Variants in METTL16 observed in about 807,000 individuals in gnomAD.
METTL16 encodes the protein RNA N(6)-adenosine-methyltransferase METTL16.
METTL16 carries 19 observed loss-of-function variants against 57.9 expected under a neutral mutation model. The observed-to-expected ratio is 0.33, with a 90% CI of 0.23 to 0.48. The LOEUF is 0.48. Among genes scored for constraint, METTL16 ranks in the 20% least tolerant of loss-of-function variants. The pLI is 0.99. For synonymous variants in METTL16, 246 were observed against 255.6 expected (o/e 0.96, Z 0.36); for missense variants, 434 against 691.5 (o/e 0.63, Z 4.18).
chr17:2,510,439 C>T (rs889149755), intron 1 of METTL16, among the ~76,000 whole-genome samples: 1 of 152,200 alleles, frequency 6.6e-6, no homozygotes, highest in Non-Finnish European at 1.5e-5. Context: ...GACTACATAG[C>T]TGACATCAGT....
Position 2,420,620 on chromosome 17 carries a change from T to C in METTL16, c.1063-24A>G. ...ACCTGTTTGGAGGAAAAACAGAATTTTGTGGGAAATCACGTTTCCCCTCTC... is the reference window on the plus strand; with the variant it reads ...ACCTGTTTGGAGGAAAAACAGAATTCTGTGGGAAATCACGTTTCCCCTCTC... On this transcript the variant is annotated intron_variant, in intron 9 of 9. Coordinates refer to ENST00000263092, the MANE Select transcript of METTL16 (RefSeq NM_024086.4). This position sits in a 1 kb window ranked among gnomAD's most constrained non-coding sequence, Gnocchi z 5.4. 6.3e-7 allele frequency: 1 copy of C among 1,575,638 alleles called. No homozygotes were observed. The highest frequency in any genetic ancestry group is 8.6e-7 in the Non-Finnish European group (1 of 1,166,448).
chr17:2,457,072 G>A (rs528795305), intron 6 of METTL16, among the ~76,000 whole-genome samples: 6 of 151,808 alleles, frequency 4.0e-5, no homozygotes, highest in Admixed American at 1.3e-4. Flanking sequence ...GGTGGCTCAC[G>A]CCTGTAATCC....
At chr17:2,472,906 C>G (rs1000739003) in intron 4 of METTL16, among the ~76,000 whole-genome samples, 1 of 151,974 alleles carries the variant, frequency 6.6e-6, no homozygotes, top group African/African-American at 2.4e-5. Context: ...TCTGTGTATA[C>G]CGTACTGGGA....
intron 6 of METTL16, among the ~76,000 whole-genome samples, chr17:2,441,811 T>C (rs1399283168): frequency 1.3e-5 from 2 of 152,212 alleles, no homozygotes; most frequent in African/African-American, 2.4e-5. Flanking sequence ...TTCAGGGCTA[T>C]GTATTAAATA....
At chr17:2,493,672 T>C (rs1041993684) in intron 2 of METTL16, among the ~76,000 whole-genome samples, 7 of 150,150 alleles carry the variant, frequency 4.7e-5, no homozygotes, top group Admixed American at 2.0e-4. Context: ...TGAGCCGAGA[T>C]TGGGCCACTG....
chr17:2,488,386 A>T (rs932904504), intron 2 of METTL16, among the ~76,000 whole-genome samples: 1 of 152,012 alleles, frequency 6.6e-6, no homozygotes, highest in Non-Finnish European at 1.5e-5. Flanking sequence ...GTGAAACCCC[A>T]TCTCTACTAG....
At chr17:2,495,321 AC>A (rs1208362673) in intron 2 of METTL16, among the ~76,000 whole-genome samples, 4 of 152,056 alleles carry the variant, frequency 2.6e-5, no homozygotes, top group African/African-American at 9.7e-5. Flanking sequence ...ACAGAGTGAG[AC>A]CCTGTCTCAA....
At position 2,458,829 on chromosome 17, in the gene METTL16, T is replaced by C. The variant is rs147771943; in HGVS notation, c.728+5379A>G. 6.3e-3 allele frequency among the ~76,000 whole-genome samples: 947 copies of C among 151,198 alleles called. 9 individuals carry two copies. Among genetic ancestry groups the C allele is most frequent in the African/African-American group, 0.022 (892 of 41,108 alleles). On this transcript the variant is annotated intron_variant, in intron 6 of 9. Coordinates refer to ENST00000263092, the MANE Select transcript of METTL16 (RefSeq NM_024086.4). ...CCTTTTTTTTTTTTCTTTTTTGAGA[T>C]AGGGTCTCACTCTGTCACTCAAGCT...
Position 2,418,895 on chromosome 17 carries a change from C to G in METTL16, c.*1075G>C, listed in dbSNP as rs1315291346. On this transcript the variant is annotated 3_prime_UTR_variant, in exon 10 of 10. Coordinates refer to ENST00000263092, the MANE Select transcript of METTL16 (RefSeq NM_024086.4). Reference sequence around the variant, plus strand: ...CATCAAGCACAGCAAAAGGTCACCCCTTTCCGGGGGGACGGCTACTGAACC... The same window carrying G: ...CATCAAGCACAGCAAAAGGTCACCCGTTTCCGGGGGGACGGCTACTGAACC... 6.6e-6 allele frequency: 1 copy of G among 152,278 alleles called. No individual in the cohort carries two copies. Among genetic ancestry groups the G allele is most frequent in the Non-Finnish European group, 1.5e-5 (1 of 68,098 alleles). 9.4% of individuals were successfully genotyped at this position (152,278 alleles called of 1,614,324 possible).
rs1416306449 is a variant in METTL16 at position 2,416,733 on chromosome 17, A to G, written c.*3237T>C. On this transcript the variant is annotated 3_prime_UTR_variant, in exon 10 of 10. Coordinates refer to ENST00000263092, the MANE Select transcript of METTL16 (RefSeq NM_024086.4). ...GAAGAGAATGTAGGGTCACATCACCAAGATTTAATTTCATACCAACCCCGC... is the reference window on the plus strand; with the variant it reads ...GAAGAGAATGTAGGGTCACATCACCGAGATTTAATTTCATACCAACCCCGC... The G allele has an allele frequency of 6.6e-6, 1 of 152,208 alleles. No individual in the cohort carries two copies. The highest frequency in any genetic ancestry group is 2.4e-5 in the African/African-American group (1 of 41,434). 9.4% of individuals were successfully genotyped at this position (152,208 alleles called of 1,614,324 possible).
intron 8 of METTL16, among the ~76,000 whole-genome samples, chr17:2,422,941 C>T (rs1427258953): frequency 2.6e-5 from 4 of 152,048 alleles, no homozygotes; most frequent in African/African-American, 9.7e-5. Context: ...TGAGATTGCG[C>T]CACTGCACTC....
chr17:2,488,604 C>A (rs1488140790), intron 2 of METTL16, among the ~76,000 whole-genome samples: 2 of 152,118 alleles, frequency 1.3e-5, no homozygotes, highest in African/African-American at 2.4e-5. Context: ...AAAAGGAAAT[C>A]CTGTCACGTG....
chr17:2,506,279 C>T (rs1262891821), intron 1 of METTL16, among the ~76,000 whole-genome samples: 4 of 136,764 alleles, frequency 2.9e-5, no homozygotes, highest in Non-Finnish European at 6.4e-5. Flanking sequence ...CCTCTCCCCA[C>T]GGTCTCCCTC....
chr17:2,464,360 A>C lies in METTL16; in HGVS notation c.586-10T>G. 1 of 1,587,470 alleles carries C rather than the reference A, an allele frequency of 6.3e-7. No individual in the cohort carries two copies. Among genetic ancestry groups the C allele is most frequent in the Non-Finnish European group, 8.5e-7 (1 of 1,171,812 alleles). Reference sequence around the variant, plus strand: ...TTCGTGAGTTTACTCCCTGAAAAACAACAAAAAACCCTGGTGAAAAATGTG... The same window carrying C: ...TTCGTGAGTTTACTCCCTGAAAAACCACAAAAAACCCTGGTGAAAAATGTG... On this transcript the variant is annotated splice_polypyrimidine_tract_variant and intron_variant, in intron 5 of 9. Coordinates refer to ENST00000263092, the MANE Select transcript of METTL16 (RefSeq NM_024086.4).
intron 6 of METTL16, among the ~76,000 whole-genome samples, chr17:2,448,816 A>T (rs1324900130): frequency 1.4e-5 from 2 of 144,604 alleles, no homozygotes; most frequent in African/African-American, 2.5e-5. Flanking sequence ...AAAAAAAAAA[A>T]AAAAAAAAAA....
At chr17:2,507,801 G>A (rs2067557569) in intron 1 of METTL16, among the ~76,000 whole-genome samples, 1 of 152,146 alleles carries the variant, frequency 6.6e-6, no homozygotes, top group Non-Finnish European at 1.5e-5. Context: ...CTTCTGCCTT[G>A]GGATCCTGTT....
chr17:2,472,423 G>C (rs1190834188), intron 4 of METTL16, among the ~76,000 whole-genome samples: 1 of 152,110 alleles, frequency 6.6e-6, no homozygotes, highest in African/African-American at 2.4e-5. Flanking sequence ...ATACCATCCA[G>C]CAAGCACACT....
intron 8 of METTL16, 40 bp downstream of exon 8, chr17:2,438,069 G>A (rs569017633): frequency 1.4e-6 from 2 of 1,398,674 alleles, no homozygotes; most frequent in African/African-American, 2.8e-5. Context: ...AACCCACCAT[G>A]TGCTGGCAGG....
At chr17:2,467,279 G>A (rs2067205678) in intron 5 of METTL16, among the ~76,000 whole-genome samples, 1 of 152,186 alleles carries the variant, frequency 6.6e-6, no homozygotes, top group Admixed American at 6.5e-5. Flanking sequence ...TAGGGGAGCT[G>A]ACGGGCGGGG....
Sources: gnomAD v4.1 joint callset for allele counts (sites outside exome capture counted in the v4.1 genomes callset) on GRCh38, gnomAD v4.1.1 for gene constraint, Gnocchi (gnomAD v3.1) non-coding constraint, MANE v1.5 for transcripts, NCBI Gene and HGNC (gene_info 2026-07-23, HGNC 2026-07-21) for gene names.